VAT1L: variants seen among roughly 807,000 people sequenced by gnomAD.
VAT1L encodes the protein vesicle amine transport 1 like.
VAT1L carries 34 observed loss-of-function variants against 44.1 expected under a neutral mutation model. The ratio of observed to expected loss-of-function variants is 0.77; its 90% CI spans 0.59 to 1.03. The LOEUF (loss-of-function observed/expected upper bound fraction) is 1.03, where lower values mean the gene tolerates loss of function less well. Among genes scored for constraint, VAT1L ranks in the 50% least tolerant of loss-of-function variants. The pLI is 0.00. For missense variants in VAT1L, 615 were observed against 538.8 expected (o/e 1.14, Z -1.40); for synonymous variants, 253 against 202.2 (o/e 1.25, Z -2.13).
chr16:77,839,945 AG>A (rs1287171282), intron 3 of VAT1L, among the ~76,000 whole-genome samples: 1 of 152,184 alleles, frequency 6.6e-6, no homozygotes, highest in Non-Finnish European at 1.5e-5. Context: ...CATAGAGTTG[AG>A]AGTCTTTGGG....
chr16:77,865,789 G>C (rs750044902), intron 4 of VAT1L, among the ~76,000 whole-genome samples: 52 of 152,194 alleles, frequency 3.4e-4, no homozygotes, highest in Non-Finnish European at 5.6e-4. Flanking sequence ...AAGGAGGCCA[G>C]TGCAGCTGGC....
intron 3 of VAT1L, among the ~76,000 whole-genome samples, chr16:77,826,408 T>C (rs1441593157): frequency 6.6e-6 from 1 of 152,210 alleles, no homozygotes; most frequent in African/African-American, 2.4e-5. Context: ...AATGACATTC[T>C]TATTAATTTG....
At chr16:77,975,821 C>T (rs1194970472) in intron 8 of VAT1L, among the ~76,000 whole-genome samples, 2 of 152,224 alleles carry the variant, frequency 1.3e-5, no homozygotes, top group Non-Finnish European at 2.9e-5. Flanking sequence ...AGCGGGCAGC[C>T]CTGCCCCAGT....
At position 77,957,506 on chromosome 16, in the gene VAT1L, C is replaced by T. The variant is rs545558323; in HGVS notation, c.1078-14344C>T. Among the ~76,000 whole-genome samples, 110 of 152,216 alleles carry T rather than the reference C, an allele frequency of 7.2e-4. 1 individual carries two copies. Among genetic ancestry groups the T allele is most frequent in the African/African-American group, 2.5e-3 (104 of 41,546 alleles). On this transcript the variant is annotated intron_variant, in intron 7 of 8. Transcript: ENST00000302536. ...CTTTGGGCAGCCAAGGCGGGTAGAT[C>T]ACAAGGTCAAGAGATCGAGACCATC... is the stretch of plus-strand genomic sequence containing the variant.
intron 3 of VAT1L, among the ~76,000 whole-genome samples, chr16:77,838,344 C>G (rs1480375667): frequency 6.6e-6 from 1 of 152,204 alleles, no homozygotes; most frequent in Non-Finnish European, 1.5e-5. Context: ...CAAGAAGCAG[C>G]CTCGTTGCCT....
At chr16:77,969,322 A>C (rs1567525993) in intron 7 of VAT1L, among the ~76,000 whole-genome samples, 1 of 151,882 alleles carries the variant, frequency 6.6e-6, no homozygotes, top group African/African-American at 2.4e-5. Context: ...CCTAGCCCTC[A>C]CTCAGGACAG....
intron 7 of VAT1L, among the ~76,000 whole-genome samples, chr16:77,945,004 A>G (rs549582168): frequency 6.6e-6 from 1 of 152,304 alleles, no homozygotes; most frequent in East Asian, 1.9e-4. Flanking sequence ...AATCCCAGAT[A>G]ATGAAGAATG....
At chr16:77,847,147 C>G (rs2016765875) in intron 3 of VAT1L, among the ~76,000 whole-genome samples, 1 of 151,622 alleles carries the variant, frequency 6.6e-6, no homozygotes, top group Non-Finnish European at 1.5e-5. Context: ...CTAAAATGTT[C>G]AGAGTTTTTG....
intron 7 of VAT1L, among the ~76,000 whole-genome samples, chr16:77,903,529 G>C (rs918356251): frequency 6.6e-6 from 1 of 151,942 alleles, no homozygotes; most frequent in African/African-American, 2.4e-5. Context: ...GCCAAGCATT[G>C]GACTGGACCA....
intron 3 of VAT1L, among the ~76,000 whole-genome samples, chr16:77,842,983 C>G (rs1028091991): frequency 6.6e-6 from 1 of 152,142 alleles, no homozygotes; most frequent in African/African-American, 2.4e-5. Context: ...ATAGCGTATT[C>G]TCATCAACTC....
At chr16:77,963,316 G>A (rs978876071) in intron 7 of VAT1L, among the ~76,000 whole-genome samples, 1 of 152,164 alleles carries the variant, frequency 6.6e-6, no homozygotes, top group East Asian at 1.9e-4. Flanking sequence ...GAGGGTGAGA[G>A]TCAGAGAGAT....
intron 7 of VAT1L, among the ~76,000 whole-genome samples, chr16:77,889,815 A>T (rs1022273695): frequency 1.3e-4 from 20 of 152,232 alleles, no homozygotes; most frequent in Non-Finnish European, 2.6e-4. Flanking sequence ...AGCCAGGCGC[A>T]GTGGCTTATG....
intron 1 of VAT1L, among the ~76,000 whole-genome samples, chr16:77,798,821 G>A (rs952725798): frequency 2.6e-5 from 4 of 152,186 alleles, no homozygotes; most frequent in African/African-American, 9.7e-5. Context: ...TCTACTGTGT[G>A]CTAGAAACTG....
rs2016821235 is a variant in VAT1L at position 77,852,872 on chromosome 16, T to C, written c.580-9876T>C. On this transcript the variant is annotated intron_variant, in intron 3 of 8. Coordinates refer to ENST00000302536, the MANE Select transcript of VAT1L (RefSeq NM_020927.3). ...AGGCTGTTACCTAACTTCTCTGTGC[T>C]TCGGTTCTTCCATCTGGGAAATGAG... Among the ~76,000 whole-genome samples, 5 of 152,192 alleles carry C rather than the reference T, an allele frequency of 3.3e-5. No homozygotes were observed. The South Asian group carries it at 1.0e-3, about 31-fold the overall frequency.
At position 77,876,891 on chromosome 16, in the gene VAT1L, G is replaced by C. The variant is rs147267425; in HGVS notation, c.826+418G>C. Among the ~76,000 whole-genome samples the C allele has an allele frequency of 1.3e-3, 191 of 152,254 alleles. 1 individual carries two copies. Among genetic ancestry groups the C allele is most frequent in the African/African-American group, 4.4e-3 (183 of 41,528 alleles). ...TTAAGGGAGGATCTTTACTATTTGA[G>C]AAGTTGCAAAGTACACACTCTGCTT... is the stretch of plus-strand genomic sequence containing the variant. On this transcript the variant is annotated intron_variant, in intron 5 of 8. Coordinates refer to ENST00000302536, the MANE Select transcript of VAT1L (RefSeq NM_020927.3).
intron 3 of VAT1L, among the ~76,000 whole-genome samples, chr16:77,836,944 T>TTGTC (rs2016645570): frequency 6.6e-6 from 1 of 152,162 alleles, no homozygotes; most frequent in African/African-American, 2.4e-5. Flanking sequence ...TTTCCATACA[T>TTGTC]TGTCTATAAG....
chr16:77,919,759 TATTA>T (rs1434953308), intron 7 of VAT1L, among the ~76,000 whole-genome samples: 2 of 152,210 alleles, frequency 1.3e-5, no homozygotes, highest in Non-Finnish European at 2.9e-5. Flanking sequence ...TACCTATTAC[TATTA>T]ATAAAGGTTC....
chr16:77,970,665 G>A (rs1185891837), intron 7 of VAT1L, among the ~76,000 whole-genome samples: 3 of 152,174 alleles, frequency 2.0e-5, no homozygotes, highest in Non-Finnish European at 2.9e-5. Flanking sequence ...AAGCAATACT[G>A]TAATTGAGTA....
chr16:77,836,926 C>G (rs2016645431), intron 3 of VAT1L, among the ~76,000 whole-genome samples: 1 of 152,120 alleles, frequency 6.6e-6, no homozygotes, highest in African/African-American at 2.4e-5. Context: ...GTAGATTGAG[C>G]TCAATAATTT....
Sources: allele counts gnomAD v4.1 joint callset (sites outside exome capture counted in the v4.1 genomes callset), GRCh38; gene constraint gnomAD v4.1.1; transcripts MANE v1.5; gene names NCBI Gene and HGNC (gene_info 2026-07-23, HGNC 2026-07-21).